Variants in BCAR3 observed in about 807,000 individuals in gnomAD.
BCAR3 encodes the protein BCAR3 adaptor protein, NSP family member, also known as breast cancer anti-estrogen resistance protein 3.
A neutral mutation model predicts 80.1 loss-of-function variants in BCAR3; 37 were observed. That is an observed-to-expected ratio of 0.46 (90% confidence interval 0.36 to 0.61). The LOEUF (loss-of-function observed/expected upper bound fraction) is 0.61, where lower values mean the gene tolerates loss of function less well. Ranked by LOEUF, BCAR3 falls within the 20% of genes least tolerant of loss-of-function variation. The pLI is 0.00. For missense variants in BCAR3, 978 were observed against 1,068.2 expected (o/e 0.92, Z 1.18); for synonymous variants, 389 against 418.9 (o/e 0.93, Z 0.87).
intron 2 of BCAR3, among the ~76,000 whole-genome samples, chr1:93,834,608 T>G (rs1286023678): frequency 6.6e-6 from 1 of 152,258 alleles, no homozygotes; most frequent in East Asian, 1.9e-4. Flanking sequence ...CCTTACTCTT[T>G]CAGCCTAGCC....
intron 3 of BCAR3, among the ~76,000 whole-genome samples, chr1:93,611,676 G>A (rs1174506920): frequency 5.3e-5 from 8 of 152,080 alleles, no homozygotes; most frequent in Non-Finnish European, 8.8e-5. Flanking sequence ...GTCCGTATGA[G>A]GCCTCTAAAT....
At chr1:93,585,617 A>C (rs564671600) in intron 5 of BCAR3, among the ~76,000 whole-genome samples, 2 of 152,300 alleles carry the variant, frequency 1.3e-5, no homozygotes, top group Admixed American at 1.3e-4. Flanking sequence ...TATCCTTCCC[A>C]AAGGAAACAG....
intron 7 of BCAR3, among the ~76,000 whole-genome samples, chr1:93,580,462 C>T (rs74101617): frequency 0.02 from 3,076 of 151,320 alleles, 102 homozygotes; most frequent in African/African-American, 0.07. Context: ...CCTCCTTATC[C>T]GTGGCTTCTG....
chr1:93,646,931 T>C (rs1676162602), intron 2 of BCAR3, among the ~76,000 whole-genome samples: 1 of 152,196 alleles, frequency 6.6e-6, no homozygotes. Flanking sequence ...ATTACATTAA[T>C]CAGATAAATG....
chr1:93,831,596 T>C (rs1046234733), intron 2 of BCAR3, among the ~76,000 whole-genome samples: 1 of 152,102 alleles, frequency 6.6e-6, no homozygotes, highest in African/African-American at 2.4e-5. Context: ...TCGTCCCAAA[T>C]CTTTCTTCTT....
chr1:93,596,551 T>A (rs554794068), intron 3 of BCAR3, among the ~76,000 whole-genome samples: 1 of 152,136 alleles, frequency 6.6e-6, no homozygotes, highest in Non-Finnish European at 1.5e-5. Flanking sequence ...AAAGTTGACA[T>A]TGAGTGTGAA....
chr1:93,777,354 TTCC>T (rs200468618), intron 2 of BCAR3, among the ~76,000 whole-genome samples: 10,635 of 146,732 alleles, frequency 0.072, 474 homozygotes, highest in South Asian at 0.092. Flanking sequence ...TGCTTTCTTC[TTCC>T]TCCTCTTCTT....
chr1:93,711,152 A>G (rs889094361), intron 2 of BCAR3, among the ~76,000 whole-genome samples: 1 of 152,226 alleles, frequency 6.6e-6, no homozygotes, highest in African/African-American at 2.4e-5. Flanking sequence ...CAGAAGCAAC[A>G]CATCATCCCT....
At chr1:93,662,765 T>C (rs1647722307) in intron 2 of BCAR3, among the ~76,000 whole-genome samples, 1 of 152,208 alleles carries the variant, frequency 6.6e-6, no homozygotes, top group African/African-American at 2.4e-5. Context: ...AGCAAAGCCC[T>C]GATAGCTACT....
chr1:93,674,250 T>C (rs938293284), intron 2 of BCAR3, among the ~76,000 whole-genome samples: 4 of 152,190 alleles, frequency 2.6e-5, no homozygotes, highest in African/African-American at 7.2e-5. Context: ...ACTTTGTGTA[T>C]GTTTGATGTT....
chr1:93,568,044 G>C, intron 9 of BCAR3, 193 bp from the exon 10 acceptor site: 4 of 477,456 alleles, frequency 8.4e-6, no homozygotes, highest in Non-Finnish European at 1.5e-5. Context: ...AAATTAGCCA[G>C]GCGTGGTGGC....
At chr1:93,571,399 G>C (rs1673208544) in intron 9 of BCAR3, 1 of 397,862 alleles carries the variant, frequency 2.5e-6, no homozygotes, top group Non-Finnish European at 4.7e-6. Flanking sequence ...ACTTGAGGCT[G>C]AGGCATGAGA....
At chr1:93,844,936 G>A (rs1009054971) in intron 2 of BCAR3, among the ~76,000 whole-genome samples, 1 of 151,824 alleles carries the variant, frequency 6.6e-6, no homozygotes, top group African/African-American at 2.4e-5. Context: ...GGCTGCACAG[G>A]GAAAGCCTGG....
At chr1:93,577,274 G>A (rs186619957) in intron 7 of BCAR3, among the ~76,000 whole-genome samples, 1 of 31,602 alleles carries the variant, frequency 3.2e-5, no homozygotes, top group African/African-American at 4.8e-5. Flanking sequence ...GGCATGGGAC[G>A]GTTCCTCTCC....
At chr1:93,811,117 G>T (rs1653826670) in intron 2 of BCAR3, among the ~76,000 whole-genome samples, 1 of 152,184 alleles carries the variant, frequency 6.6e-6, no homozygotes, top group Non-Finnish European at 1.5e-5. Flanking sequence ...GCTCGTGAGG[G>T]ACCAAAGCAC....
chr1:93,798,733 A>G lies in BCAR3; in HGVS notation c.-63+46834T>C, dbSNP rs541685877. ...GACACAACGACATAGCTTGTTTGGT[A>G]TTTTTCAAACTTATCCTTTAGATAT... On this transcript the variant is annotated intron_variant, in intron 2 of 13. Transcript: ENST00000370244. Among the ~76,000 whole-genome samples, 51 of 152,268 alleles carry G rather than the reference A, an allele frequency of 3.3e-4. 1 individual carries two copies. The highest frequency in any genetic ancestry group is 2.1e-4 in the South Asian group (1 of 4,824).
At chr1:93,830,628 C>A (rs1414744786) in intron 2 of BCAR3, among the ~76,000 whole-genome samples, 1 of 152,156 alleles carries the variant, frequency 6.6e-6, no homozygotes, top group African/African-American at 2.4e-5. Context: ...ATGGCCCCAC[C>A]CCTATCTCCC....
At position 93,567,803 on chromosome 1, in the gene BCAR3, G is replaced by T; in HGVS notation, c.2023C>A (p.Gln675Lys). ...TWTALRHQYT[Q>K]TAILYEKQLK... Reference sequence around the variant, plus strand: ...TGTTTCTCATAGAGAATGGCAGTTTGGGTGTACTGGTGCCGCAGAGCAGTC... The same window carrying T: ...TGTTTCTCATAGAGAATGGCAGTTTTGGTGTACTGGTGCCGCAGAGCAGTC... The change falls in exon 10 of 12, where the codon CAA becomes AAA. Residue 675 changes from glutamine to lysine, a missense_variant. By Grantham distance (53) the Gln-to-Lys change is moderately conservative. Coordinates refer to ENST00000260502, the MANE Select transcript of BCAR3 (RefSeq NM_003567.4). 3.1e-6 allele frequency: 5 copies of T among 1,614,246 alleles called. No individual in the cohort carries two copies. The highest frequency in any genetic ancestry group is 4.2e-6 in the Non-Finnish European group (5 of 1,180,032).
intron 1 of BCAR3, among the ~76,000 whole-genome samples, chr1:93,845,901 T>G (rs1453644020): frequency 4.6e-5 from 7 of 152,130 alleles, no homozygotes; most frequent in Non-Finnish European, 1.5e-5. Flanking sequence ...GCTATTGCTT[T>G]TGTTGTAATA....
Sources: allele counts gnomAD v4.1 joint callset (sites outside exome capture counted in the v4.1 genomes callset), GRCh38; gene constraint gnomAD v4.1.1; transcripts MANE v1.5; gene names NCBI Gene and HGNC (gene_info 2026-07-23, HGNC 2026-07-21).